STRN: variants seen among roughly 807,000 people sequenced by gnomAD.
STRN encodes the protein protein phosphatase 2 regulatory subunit B'''alpha.
In STRN, 53 loss-of-function variants were observed where a neutral mutation model predicts 96.3. That is an observed-to-expected ratio of 0.55 (90% CI 0.44 to 0.69). The LOEUF (loss-of-function observed/expected upper bound fraction) is 0.69, where lower values mean the gene tolerates loss of function less well. Among genes scored for constraint, STRN ranks in the 30% least tolerant of loss-of-function variants. The pLI, the probability that STRN is intolerant of heterozygous loss-of-function variation, is 0.00. For synonymous variants in STRN, 428 were observed against 355.9 expected (o/e 1.20, Z -2.28); for missense variants, 987 against 963.9 (o/e 1.02, Z -0.32).
At chr2:36,855,444 C>CTT in intron 14 of STRN, 92 bp from the exon 15 acceptor site, 1 of 1,317,884 alleles carries the variant, frequency 7.6e-7, no homozygotes, top group Non-Finnish European at 1.0e-6. Flanking sequence ...GGCATGGTTT[C>CTT]CTTAAGAAGT....
rs1668047632 is a variant in STRN, at chr2:36,845,546, T to A, written c.*3910A>T. The A allele has an allele frequency of 6.6e-6, 1 of 152,144 alleles. No individual in the cohort carries two copies. The highest frequency in any genetic ancestry group is 1.5e-5 in the Non-Finnish European group (1 of 68,008). The allele number at this position is 152,144 out of a possible 1,614,324, so 9.4% of individuals were successfully genotyped here. A position where few individuals can be genotyped will look rare whatever the true frequency, so the allele number is the denominator to read the frequency against. ...ATTTACTAGTTGAATCTTTACCACATAAGAACTTCATGACATGCTGTTTTG... is the reference window on the plus strand; with the variant it reads ...ATTTACTAGTTGAATCTTTACCACAAAAGAACTTCATGACATGCTGTTTTG... On this transcript the variant is annotated 3_prime_UTR_variant, in exon 18 of 18. Coordinates refer to ENST00000263918, the MANE Select transcript of STRN (RefSeq NM_003162.4).
At chr2:36,862,893 G>A (rs924438630) in intron 12 of STRN, among the ~76,000 whole-genome samples, 4 of 151,896 alleles carry the variant, frequency 2.6e-5, no homozygotes, top group Non-Finnish European at 4.4e-5. Context: ...CCACCACCAC[G>A]CCCGTCTAAT....
At chr2:36,956,491 A>G (rs548233800) in intron 1 of STRN, among the ~76,000 whole-genome samples, 12 of 152,310 alleles carry the variant, frequency 7.9e-5, no homozygotes, top group African/African-American at 2.9e-4. Context: ...AACGCCAAAG[A>G]TCCAAGGACA....
intron 6 of STRN, among the ~76,000 whole-genome samples, chr2:36,897,232 A>G (rs1204703663): frequency 6.6e-6 from 1 of 152,132 alleles, no homozygotes; most frequent in East Asian, 1.9e-4. Flanking sequence ...ACATTTTAAT[A>G]GGATAACTTT....
intron 3 of STRN, among the ~76,000 whole-genome samples, chr2:36,910,293 G>A (rs1669933045): frequency 9.1e-6 from 1 of 109,924 alleles, no homozygotes; most frequent in Non-Finnish European, 2.0e-5. Context: ...AAATAATATG[G>A]AAACACAGAT....
intron 3 of STRN, among the ~76,000 whole-genome samples, chr2:36,915,173 G>C (rs986789568): frequency 7.0e-6 from 1 of 142,852 alleles, no homozygotes; most frequent in African/African-American, 2.5e-5. Context: ...CTCCAGGCTG[G>C]GTGACAGAGC....
intron 1 of STRN, among the ~76,000 whole-genome samples, chr2:36,964,244 T>C (rs1665101527): frequency 6.6e-6 from 1 of 151,394 alleles, no homozygotes; most frequent in Non-Finnish European, 1.5e-5. Context: ...AAGCATTGTT[T>C]TCTGGTGTGT....
chr2:36,949,205 T>C (rs1664692018), intron 1 of STRN, among the ~76,000 whole-genome samples: 1 of 152,230 alleles, frequency 6.6e-6, no homozygotes, highest in Non-Finnish European at 1.5e-5. Flanking sequence ...GGCTATGCCA[T>C]ATAGCCTAGG....
intron 6 of STRN, among the ~76,000 whole-genome samples, chr2:36,897,445 A>G (rs55810146): frequency 1.3e-5 from 2 of 149,708 alleles, no homozygotes; most frequent in Non-Finnish European, 3.0e-5. Flanking sequence ...ATATATATAT[A>G]TTTTTTTTTT....
intron 3 of STRN, among the ~76,000 whole-genome samples, 186 bp downstream of exon 3, chr2:36,915,892 G>C (rs1670083744): frequency 6.6e-6 from 1 of 152,126 alleles, no homozygotes; most frequent in South Asian, 2.1e-4. Flanking sequence ...AAGGGGAAGA[G>C]GGAAAAGGAA....
intron 7 of STRN, among the ~76,000 whole-genome samples, chr2:36,887,902 C>T (rs1167648921): frequency 6.6e-6 from 1 of 152,126 alleles, no homozygotes; most frequent in Non-Finnish European, 1.5e-5. Flanking sequence ...AATGTTAACT[C>T]AGAATGCTAG....
intron 8 of STRN, among the ~76,000 whole-genome samples, chr2:36,886,192 T>C (rs567900661): frequency 5.9e-5 from 9 of 152,150 alleles, no homozygotes; most frequent in Non-Finnish European, 1.2e-4. Context: ...AATAAATATT[T>C]TTAGAAGTTA....
chr2:36,911,442 T>G (rs1346212316), intron 3 of STRN, among the ~76,000 whole-genome samples: 1 of 152,210 alleles, frequency 6.6e-6, no homozygotes, highest in Non-Finnish European at 1.5e-5. Context: ...ACTGCCTGCA[T>G]GTCAAATCCA....
chr2:36,941,872 A>G (rs1670854275), intron 1 of STRN, among the ~76,000 whole-genome samples: 2 of 151,878 alleles, frequency 1.3e-5, no homozygotes, highest in Non-Finnish European at 2.9e-5. Flanking sequence ...TTATACTATC[A>G]TTTTTATTGG....
At chr2:36,860,998 T>A in intron 13 of STRN, 134 bp downstream of exon 13, 4 of 1,098,836 alleles carry the variant, frequency 3.6e-6, no homozygotes, top group Non-Finnish European at 5.0e-6. Flanking sequence ...GAAGTCCTTT[T>A]TAACAAAATA....
chr2:36,958,878 G>C (rs1490516312), intron 1 of STRN, among the ~76,000 whole-genome samples: 1 of 152,176 alleles, frequency 6.6e-6, no homozygotes. Flanking sequence ...CCCAACACTT[G>C]GGAGGCTGAG....
In STRN at chr2:36,966,326, C is replaced by G. The variant is rs1481676480; in HGVS notation, c.138G>C (p.Gln46His). The G allele has an allele frequency of 2.6e-6, 4 of 1,512,144 alleles. No individual in the cohort carries two copies. The allele number at this position is 1,512,144 out of a possible 1,614,324, so 93.7% of individuals were successfully genotyped here. A position where few individuals can be genotyped will look rare whatever the true frequency, so the allele number is the denominator to read the frequency against. ...AGTGCAGGATCCCCGGGAGACTGTA[C>G]TGGGCTCGGGCCGCCCCCGCCGCAG... ...GAAAAGAARA[Q>H]YSLPGILHFL... The change falls in exon 1 of 18, where the codon CAG (glutamine) becomes CAC (histidine). Residue 46 changes from glutamine (Q) to histidine (H), a missense_variant. Gln to His is a conservative substitution (Grantham distance 24). Coordinates refer to ENST00000263918, the MANE Select transcript of STRN (RefSeq NM_003162.4).
At chr2:36,922,621 C>T (rs191215280) in intron 2 of STRN, among the ~76,000 whole-genome samples, 237 of 151,140 alleles carry the variant, frequency 1.6e-3, no homozygotes, top group African/African-American at 5.5e-3. Flanking sequence ...CTGACTCTTG[C>T]CCCCTCTACC....
At chr2:36,911,780 T>C (rs1388189392) in intron 3 of STRN, among the ~76,000 whole-genome samples, 4 of 152,320 alleles carry the variant, frequency 2.6e-5, no homozygotes, top group Admixed American at 2.0e-4. Flanking sequence ...CTATTAACTA[T>C]CTGCATTCTC....
Sources: allele counts gnomAD v4.1 joint callset (sites outside exome capture counted in the v4.1 genomes callset), GRCh38; gene constraint gnomAD v4.1.1; transcripts MANE v1.5; gene names NCBI Gene and HGNC (gene_info 2026-07-23, HGNC 2026-07-21).